TMEM132D: variants seen among roughly 807,000 people sequenced by gnomAD.
The protein encoded by TMEM132D is mature OL transmembrane protein.
In TMEM132D, 21 loss-of-function variants were observed where a neutral mutation model predicts 62.3. That is an observed-to-expected ratio of 0.34 (90% CI 0.24 to 0.49). TMEM132D has a LOEUF of 0.49. Among genes scored for constraint, TMEM132D ranks in the 20% least tolerant of loss-of-function variants. The pLI, the probability that TMEM132D is intolerant of heterozygous loss-of-function variation, is 0.99. For missense variants in TMEM132D, 1,346 were observed against 1,402.8 expected (o/e 0.96, Z 0.65); for synonymous variants, 621 against 575.6 (o/e 1.08, Z -1.13).
chr12:129,097,063 G>C (rs75620424), intron 5 of TMEM132D, among the ~76,000 whole-genome samples: 2,880 of 152,268 alleles, frequency 0.019, 86 homozygotes, highest in African/African-American at 0.065. Context: ...CTCTTGCCAC[G>C]TGCCAGGTGC....
intron 1 of TMEM132D, among the ~76,000 whole-genome samples, chr12:129,884,211 A>C (rs1458021367): frequency 1.3e-5 from 2 of 152,230 alleles, no homozygotes; most frequent in African/African-American, 4.8e-5. Context: ...TGGTTTGGCA[A>C]AGACTTCTAA....
rs1233466686 is a variant in TMEM132D, at chr12:129,334,597, C to T, written c.1299+3037G>A. On this transcript the variant is annotated intron_variant, in intron 4 of 8. Transcript: ENST00000422113. The stretch of plus-strand genomic sequence containing the variant: ...TCAGAGCCCATTGCTAACAACTCAG[C>T]CCACCACGTTTTGTTTTGTTTTGTT... Among the ~76,000 whole-genome samples, 6 of 152,218 alleles carry T rather than the reference C, an allele frequency of 3.9e-5. No individual in the cohort carries two copies. The East Asian group carries it at 1.2e-3, about 29-fold the overall frequency.
At chr12:129,748,164 G>C (rs1869877441) in intron 1 of TMEM132D, among the ~76,000 whole-genome samples, 1 of 152,220 alleles carries the variant, frequency 6.6e-6, no homozygotes, top group African/African-American at 2.4e-5. Context: ...CCTTGGCATA[G>C]AAGCAACAAT....
At chr12:129,511,735 A>G (rs1359892869) in intron 3 of TMEM132D, among the ~76,000 whole-genome samples, 1 of 152,152 alleles carries the variant, frequency 6.6e-6, no homozygotes, top group African/African-American at 2.4e-5. Context: ...TGATTTGCAA[A>G]TATTTCCTCC....
At chr12:129,732,874 G>A (rs1869295452) in intron 1 of TMEM132D, among the ~76,000 whole-genome samples, 2 of 152,176 alleles carry the variant, frequency 1.3e-5, no homozygotes, top group Admixed American at 6.5e-5. Flanking sequence ...TAATCACATG[G>A]CCAATGACAT....
At chr12:129,622,135 A>G (rs1040096121) in intron 2 of TMEM132D, among the ~76,000 whole-genome samples, 2 of 152,180 alleles carry the variant, frequency 1.3e-5, no homozygotes, top group Non-Finnish European at 2.9e-5. Context: ...GAAAGTGGAA[A>G]TGGTTGAAAC....
At chr12:129,423,233 C>A (rs950189175) in intron 3 of TMEM132D, among the ~76,000 whole-genome samples, 1 of 152,260 alleles carries the variant, frequency 6.6e-6, no homozygotes, top group South Asian at 2.1e-4. Flanking sequence ...AGTCTGAAAT[C>A]TATCACGTGA....
chr12:129,160,992 C>T (rs1375072071), intron 5 of TMEM132D, among the ~76,000 whole-genome samples: 1 of 152,200 alleles, frequency 6.6e-6, no homozygotes, highest in Non-Finnish European at 1.5e-5. Flanking sequence ...CCAGCATTTG[C>T]AAATACTATT....
At chr12:129,714,538 C>T (rs1197795217) in intron 1 of TMEM132D, among the ~76,000 whole-genome samples, 5 of 152,032 alleles carry the variant, frequency 3.3e-5, no homozygotes, top group African/African-American at 4.8e-5. Context: ...AGTCCTGGAC[C>T]GCTAATGTAC....
chr12:129,887,802 G>A (rs1360132461), intron 1 of TMEM132D, among the ~76,000 whole-genome samples: 1 of 152,052 alleles, frequency 6.6e-6, no homozygotes, highest in Admixed American at 6.5e-5. Context: ...TGTCCTCATT[G>A]TCTTAGGGTT....
rs777353766 is a variant in TMEM132D at position 129,084,773 on chromosome 12, G to A, written c.1444-71C>T. 2.7e-6 allele frequency: 4 copies of A among 1,480,980 alleles called. No homozygotes were observed. The East Asian group carries it at 9.3e-5, about 34-fold the overall frequency. The allele number at this position is 1,480,980 out of a possible 1,614,324, so 91.7% of individuals were successfully genotyped here. ...ATCCCGTTGCATGGCCCAAGGAGGA[G>A]GAAAGGGAAGTGCCCTGGCTGGTGG... On this transcript the variant is annotated intron_variant, in intron 5 of 8. Coordinates refer to ENST00000422113, the MANE Select transcript of TMEM132D (RefSeq NM_133448.3).
chr12:129,868,513 T>A (rs1050641410), intron 1 of TMEM132D, among the ~76,000 whole-genome samples: 1 of 152,190 alleles, frequency 6.6e-6, no homozygotes, highest in Non-Finnish European at 1.5e-5. Context: ...CTAGAAGACA[T>A]AATCGTGAGT....
intron 4 of TMEM132D, among the ~76,000 whole-genome samples, chr12:129,313,136 G>A (rs900889687): frequency 5.3e-5 from 8 of 151,922 alleles, no homozygotes; most frequent in African/African-American, 1.2e-4. Flanking sequence ...GGGGTTCAAG[G>A]AAGAGTTTCA....
intron 4 of TMEM132D, among the ~76,000 whole-genome samples, chr12:129,294,557 G>A (rs1054779647): frequency 2.0e-5 from 3 of 152,164 alleles, no homozygotes; most frequent in Non-Finnish European, 4.4e-5. Flanking sequence ...CAGTCTTCCT[G>A]TGGGAGTTTA....
intron 1 of TMEM132D, among the ~76,000 whole-genome samples, chr12:129,899,170 T>C (rs1427168607): frequency 6.6e-6 from 1 of 150,406 alleles, no homozygotes; most frequent in Non-Finnish European, 1.5e-5. Flanking sequence ...GATGGAAGGA[T>C]GGGTGGATAG....
chr12:129,526,044 T>C (rs1360407291), intron 3 of TMEM132D, among the ~76,000 whole-genome samples: 2 of 152,210 alleles, frequency 1.3e-5, no homozygotes, highest in East Asian at 3.8e-4. Context: ...GCTGGAAAAT[T>C]AACAAGCATT....
At chr12:129,160,627 CTT>C (rs1035681959) in intron 5 of TMEM132D, among the ~76,000 whole-genome samples, 1 of 152,162 alleles carries the variant, frequency 6.6e-6, no homozygotes, top group African/African-American at 2.4e-5. Context: ...TAGCCCTTGA[CTT>C]TTTAGTTACA....
chr12:129,540,366 C>A (rs551036956), intron 2 of TMEM132D, among the ~76,000 whole-genome samples: 10 of 152,276 alleles, frequency 6.6e-5, no homozygotes, highest in Non-Finnish European at 1.3e-4. Context: ...TCCCCACCCC[C>A]ACTACTCAAA....
intron 2 of TMEM132D, among the ~76,000 whole-genome samples, chr12:129,533,514 C>G (rs748836387): frequency 6.6e-6 from 1 of 152,178 alleles, no homozygotes; most frequent in Non-Finnish European, 1.5e-5. Flanking sequence ...CTGTGACAAC[C>G]TTTTCATTAT....
Sources: gnomAD v4.1 joint callset for allele counts (sites outside exome capture counted in the v4.1 genomes callset) on GRCh38, gnomAD v4.1.1 for gene constraint, MANE v1.5 for transcripts, NCBI Gene and HGNC (gene_info 2026-07-23, HGNC 2026-07-21) for gene names.